The following EXOC2 variants were observed in gnomAD, a reference collection of about 807,000 sequenced individuals.
EXOC2 encodes exocyst complex component 2, also known as SEC5-like 1.
A neutral mutation model predicts 131.8 loss-of-function variants in EXOC2; 70 were observed. The ratio of observed to expected loss-of-function variants is 0.53; its 90% CI spans 0.44 to 0.65. EXOC2 has a LOEUF of 0.65. Among genes scored for constraint, EXOC2 ranks in the 30% least tolerant of loss-of-function variants. EXOC2 has a pLI of 0.00. For missense variants in EXOC2, 923 were observed against 1,108.6 expected (o/e 0.83, Z 2.38); for synonymous variants, 411 against 398.4 (o/e 1.03, Z -0.38).
chr6:540,509 AAC>A (rs1766749275), intron 22 of EXOC2, among the ~76,000 whole-genome samples: 1 of 152,242 alleles, frequency 6.6e-6, no homozygotes, highest in African/African-American at 2.4e-5. Flanking sequence ...CTGGAGAAGA[AAC>A]ACAACTGAAA....
intron 26 of EXOC2, among the ~76,000 whole-genome samples, chr6:490,269 T>A (rs894533303): frequency 6.6e-6 from 1 of 152,168 alleles, no homozygotes; most frequent in African/African-American, 2.4e-5. Context: ...TAAAACTAAG[T>A]CAGCAGGAAG....
intron 6 of EXOC2, among the ~76,000 whole-genome samples, chr6:612,999 C>T (rs185347306): frequency 6.6e-6 from 1 of 152,198 alleles, no homozygotes; most frequent in Non-Finnish European, 1.5e-5. Context: ...CCAGAGGCAC[C>T]AAGGAGCTCA....
At chr6:503,569 A>C (rs1055518811) in intron 23 of EXOC2, among the ~76,000 whole-genome samples, 4 of 152,248 alleles carry the variant, frequency 2.6e-5, no homozygotes, top group Non-Finnish European at 5.9e-5. Flanking sequence ...GTATACACCT[A>C]CTATGAACCC....
intron 11 of EXOC2, among the ~76,000 whole-genome samples, chr6:577,356 T>C (rs960745037): frequency 2.7e-4 from 41 of 152,226 alleles, no homozygotes; most frequent in Admixed American, 1.8e-3. Context: ...TGTGGATCCT[T>C]TTCACCTCAC....
intron 11 of EXOC2, among the ~76,000 whole-genome samples, chr6:582,380 AG>A (rs1758957662): frequency 6.6e-6 from 1 of 152,196 alleles, no homozygotes; most frequent in Admixed American, 6.5e-5. Flanking sequence ...GTTTTCTCAC[AG>A]TCTACAATAG....
At chr6:581,707 A>G (rs1481253361) in intron 11 of EXOC2, among the ~76,000 whole-genome samples, 3 of 152,002 alleles carry the variant, frequency 2.0e-5, no homozygotes, top group African/African-American at 7.3e-5. Context: ...TACATATGTT[A>G]TCACAAATGC....
chr6:570,295 G>A (rs1400832180), intron 13 of EXOC2, among the ~76,000 whole-genome samples: 1 of 151,968 alleles, frequency 6.6e-6, no homozygotes, highest in East Asian at 1.9e-4. Context: ...CACCACGCCT[G>A]GCTAATTTTT....
At chr6:640,522 C>T (rs928747722) in intron 1 of EXOC2, among the ~76,000 whole-genome samples, 2 of 152,204 alleles carry the variant, frequency 1.3e-5, no homozygotes, top group Non-Finnish European at 2.9e-5. Flanking sequence ...AACCCAGCCC[C>T]AGTACCCCAG....
intron 16 of EXOC2, 131 bp downstream of exon 16, chr6:563,901 TA>T: frequency 7.7e-7 from 1 of 1,292,512 alleles, no homozygotes; most frequent in Non-Finnish European, 1.0e-6. Flanking sequence ...CAGCTAGAAA[TA>T]AGATGAACTA....
intron 1 of EXOC2, among the ~76,000 whole-genome samples, chr6:649,410 CA>C (rs1762733135): frequency 6.6e-6 from 1 of 152,150 alleles, no homozygotes; most frequent in Non-Finnish European, 1.5e-5. Context: ...CATATATACA[CA>C]GGTATATAAG....
In EXOC2 at chr6:572,644, G is replaced by T; in HGVS notation, c.1319C>A (p.Thr440Lys). ...GSSFQSGRDD[T>K]WRYKTPHRVA... ...CCTGTGGGGAGTTTTGTATCTCCAC[G>T]CTAAGGGGGAAAAGAATAAAATACT... Residue 440 changes from threonine (T) to lysine (K), a missense_variant and splice_region_variant, in exon 13 of 28, where the codon ACG becomes AAG. Coordinates refer to ENST00000230449, the MANE Select transcript of EXOC2 (RefSeq NM_018303.6). 1 of 1,611,350 alleles carries T rather than the reference G, an allele frequency of 6.2e-7. No individual in the cohort carries two copies. Among genetic ancestry groups the T allele is most frequent in the Non-Finnish European group, 8.5e-7 (1 of 1,179,308 alleles).
chr6:557,590 C>G (rs539191631), intron 17 of EXOC2, among the ~76,000 whole-genome samples: 19 of 145,104 alleles, frequency 1.3e-4, no homozygotes, highest in African/African-American at 3.3e-4. Flanking sequence ...TGCACTCCAG[C>G]CTGGGTGACA....
At chr6:507,359 CACACACACA>C (rs1561795151) in intron 23 of EXOC2, among the ~76,000 whole-genome samples, 2 of 30,808 alleles carry the variant, frequency 6.5e-5, no homozygotes, top group East Asian at 7.4e-3. Context: ...GCAGTGACCC[CACACACACA>C]CACACACACA....
intron 27 of EXOC2, among the ~76,000 whole-genome samples, chr6:487,619 A>C (rs1763153942): frequency 6.6e-6 from 1 of 151,944 alleles, no homozygotes; most frequent in Non-Finnish European, 1.5e-5. Flanking sequence ...GTTGGCCAGG[A>C]TGGTCTTGAT....
chr6:569,049 T>C (rs960228827), intron 13 of EXOC2, among the ~76,000 whole-genome samples: 2 of 152,190 alleles, frequency 1.3e-5, no homozygotes, highest in East Asian at 3.9e-4. Context: ...TCCAACACAA[T>C]GGATTATGTA....
At chr6:544,069 T>C (rs986544615) in intron 22 of EXOC2, among the ~76,000 whole-genome samples, 7 of 152,214 alleles carry the variant, frequency 4.6e-5, no homozygotes, top group African/African-American at 1.7e-4. Context: ...ACCACAATTA[T>C]CTACATTTTG....
At chr6:614,442 G>C (rs1760881284) in intron 6 of EXOC2, among the ~76,000 whole-genome samples, 1 of 152,182 alleles carries the variant, frequency 6.6e-6, no homozygotes, top group Admixed American at 6.5e-5. Flanking sequence ...GAAGCTCCAT[G>C]GATGAAAATT....
At chr6:509,572 T>C (rs1468868323) in intron 23 of EXOC2, among the ~76,000 whole-genome samples, 4 of 152,166 alleles carry the variant, frequency 2.6e-5, no homozygotes, top group Non-Finnish European at 4.4e-5. Flanking sequence ...TAAAATAAAA[T>C]TTTAATACGA....
At chr6:674,784 G>A (rs1036863716) in intron 1 of EXOC2, among the ~76,000 whole-genome samples, 1 of 151,944 alleles carries the variant, frequency 6.6e-6, no homozygotes, top group South Asian at 2.1e-4. Flanking sequence ...GGAGCCTGTG[G>A]ACCAGGGAAG....
Sources: gnomAD v4.1 joint callset for allele counts (sites outside exome capture counted in the v4.1 genomes callset) on GRCh38, gnomAD v4.1.1 for gene constraint, MANE v1.5 for transcripts, NCBI Gene and HGNC (gene_info 2026-07-23, HGNC 2026-07-21) for gene names.